The following CNOT6 variants were observed in gnomAD, a reference collection of about 807,000 sequenced individuals.
CNOT6 encodes the protein CCR4-NOT transcription complex subunit 6, also known as carbon catabolite repression 4 protein.
A neutral mutation model predicts 61.2 loss-of-function variants in CNOT6; 12 were observed. The ratio of observed to expected loss-of-function variants is 0.20; its 90% CI spans 0.13 to 0.32. CNOT6 has a LOEUF of 0.32. CNOT6 is among the 10% of genes least tolerant of loss of function. The pLI is 1.00. For missense variants in CNOT6, 405 were observed against 663.9 expected (o/e 0.61, Z 4.28); for synonymous variants, 225 against 240.6 (o/e 0.94, Z 0.60).
At chr5:180,505,346 C>G (rs1335653542) in intron 1 of CNOT6, among the ~76,000 whole-genome samples, 1 of 136,002 alleles carries the variant, frequency 7.4e-6, no homozygotes, top group African/African-American at 2.8e-5. Context: ...AGCTCCACCT[C>G]CCAGGTTCAC....
intron 1 of CNOT6, among the ~76,000 whole-genome samples, chr5:180,524,704 T>A (rs1169664297): frequency 6.6e-6 from 1 of 152,216 alleles, no homozygotes; most frequent in Non-Finnish European, 1.5e-5. Context: ...ATGATCAAAC[T>A]GAACATTGAT....
intron 1 of CNOT6, chr5:180,495,505 G>A (rs1398901835): frequency 1.3e-5 from 2 of 152,184 alleles, no homozygotes; most frequent in Non-Finnish European, 2.9e-5. Context: ...CAACACCTGT[G>A]GCCTTCTGTT....
At chr5:180,570,114 T>C (rs67209153) in intron 10 of CNOT6, among the ~76,000 whole-genome samples, 25,503 of 152,124 alleles carry the variant, frequency 0.17, 2,242 homozygotes, top group Non-Finnish European at 0.19. Flanking sequence ...TCCCAGCACT[T>C]TGGGGGGCCC....
chr5:180,498,273 A>G (rs1026090695), intron 1 of CNOT6, among the ~76,000 whole-genome samples: 1 of 152,134 alleles, frequency 6.6e-6, no homozygotes, highest in African/African-American at 2.4e-5. Flanking sequence ...CTTCAGTTAC[A>G]CGTTAAGGTA....
In CNOT6 at chr5:180,574,167, A is replaced by T; in HGVS notation, c.1641A>T (p.Gln547His). 1 of 1,613,676 alleles carries T rather than the reference A, an allele frequency of 6.2e-7. No individual in the cohort carries two copies. Among genetic ancestry groups the T allele is most frequent in the Non-Finnish European group, 8.5e-7 (1 of 1,180,014 alleles). Reference protein sequence around the residue: ...QLELLLPFLPQVNGIHLPGRR With the variant: ...QLELLLPFLPHVNGIHLPGRR ...AGCTCTTACTGCCTTTCCTGCCCCA[A>T]GTCAACGGCATCCACCTTCCTGGCA... The change falls in exon 12 of 12, where the codon CAA becomes CAT. Residue 547 changes from glutamine to histidine, a missense_variant. This residue lies in a region of CNOT6 where 52 missense variants were observed against 69.3 expected (regional missense o/e 0.75). Transcript: ENST00000261951.
rs17080394 is a variant in CNOT6 at position 180,564,789 on chromosome 5, A to G, written c.559+46A>G. 342 of 1,364,346 alleles carry G rather than the reference A, an allele frequency of 2.5e-4. No homozygotes were observed. The African/African-American group carries it at 4.3e-3, about 17-fold the overall frequency. The allele number at this position is 1,364,346 out of a possible 1,614,324, so 84.5% of individuals were successfully genotyped here. A position where few individuals can be genotyped will look rare whatever the true frequency, so the allele number is the denominator to read the frequency against. On this transcript the variant is annotated intron_variant, in intron 6 of 11. Coordinates refer to ENST00000261951, the MANE Select transcript of CNOT6 (RefSeq NM_001370472.1). ...TAACTGTTATTTTTGCTCAGTCTCTATAAGCCTAACAGTATTGTCAGCATG... is the reference window on the plus strand; with the variant it reads ...TAACTGTTATTTTTGCTCAGTCTCTGTAAGCCTAACAGTATTGTCAGCATG...
chr5:180,507,009 C>G (rs1581470682), intron 1 of CNOT6, among the ~76,000 whole-genome samples: 1 of 152,116 alleles, frequency 6.6e-6, no homozygotes, highest in African/African-American at 2.4e-5. Context: ...TAGCTCAGAG[C>G]TGGAAACAGT....
rs761815419 is a variant in CNOT6, at chr5:180,553,457, C to A, written c.371C>A (p.Thr124Asn). ...CTGGGAAAACTGTTTCAGTTGCAGA[C>A]TTTAGGCCTGAAAGGTATGACTTCC... is the stretch of plus-strand genomic sequence containing the variant. ...FELGKLFQLQTLGLKGNPLTQ... is the reference protein window; with the variant it reads ...FELGKLFQLQNLGLKGNPLTQ... The change falls in exon 4 of 12, where the codon ACT (threonine) becomes AAT (asparagine). Residue 124 changes from threonine to asparagine, a missense_variant. Around this residue, in one of 5 missense-constraint regions of CNOT6, gnomAD observed 212 missense variants for 307.1 expected, o/e 0.69. Coordinates refer to ENST00000261951, the MANE Select transcript of CNOT6 (RefSeq NM_001370472.1). 1 of 1,613,054 alleles carries A rather than the reference C, an allele frequency of 6.2e-7. No homozygotes were observed. The highest frequency in any genetic ancestry group is 8.5e-7 in the Non-Finnish European group (1 of 1,179,140).
intron 8 of CNOT6, among the ~76,000 whole-genome samples, 198 bp downstream of exon 8, chr5:180,567,440 C>G (rs189032262): frequency 6.6e-6 from 1 of 152,244 alleles, no homozygotes; most frequent in Admixed American, 6.5e-5. Context: ...GCTTAAAGTA[C>G]TGCTGTTTCT....
intron 9 of CNOT6, among the ~76,000 whole-genome samples, chr5:180,568,667 A>G (rs1760591555): frequency 6.6e-6 from 1 of 152,200 alleles, no homozygotes; most frequent in Admixed American, 6.5e-5. Flanking sequence ...AGTGACCATT[A>G]TGCTGGGAGC....
rs1345267005 is a variant in CNOT6, at chr5:180,577,232, T to G, written c.*3032T>G. The G allele has an allele frequency of 6.6e-6, 1 of 151,180 alleles. No individual in the cohort carries two copies. Among genetic ancestry groups the G allele is most frequent in the Non-Finnish European group, 1.5e-5 (1 of 67,776 alleles). 9.4% of individuals were successfully genotyped at this position (151,180 alleles called of 1,614,324 possible). A position where few individuals can be genotyped will look rare whatever the true frequency, so the allele number is the denominator to read the frequency against. On this transcript the variant is annotated 3_prime_UTR_variant, in exon 12 of 12. Transcript: ENST00000261951. ...TTAGTGACAACCAGGAAAACTTACT[T>G]GGGATTATTAGCACTTTCAAACTTA...
intron 2 of CNOT6, among the ~76,000 whole-genome samples, chr5:180,547,878 C>T (rs995857856): frequency 2.0e-5 from 3 of 152,130 alleles, no homozygotes; most frequent in Non-Finnish European, 2.9e-5. Flanking sequence ...GGATTACAGG[C>T]GCCCACCAGC....
intron 1 of CNOT6, among the ~76,000 whole-genome samples, chr5:180,499,509 A>C (rs1373954876): frequency 6.6e-6 from 1 of 152,248 alleles, no homozygotes; most frequent in Non-Finnish European, 1.5e-5. Context: ...AGGTCTAAGA[A>C]GTTCTCATAC....
rs56266069 is a variant in CNOT6 at position 180,533,312 on chromosome 5, C to CTATATATATATATATATA, written c.112+3938_112+3955dup. Reference sequence around the variant, plus strand: ...GGAACCAGGAACCATGGATGAAAACCTATATATATATATATATATATATAT... The same window carrying CTATATATATATATATATA: ...GGAACCAGGAACCATGGATGAAAACCTATATATATATATATATATATATATATATATATATATATATAT... On this transcript the variant is annotated intron_variant, in intron 2 of 11. Transcript: ENST00000261951. Among the ~76,000 whole-genome samples the CTATATATATATATATATA allele has an allele frequency of 3.1e-3, 396 of 127,356 alleles. 7 individuals are homozygous for CTATATATATATATATATA. The highest frequency in any genetic ancestry group is 4.4e-3 in the African/African-American group (142 of 32,038). The allele number at this position is 127,356 out of a possible 152,430, so 83.6% of individuals were successfully genotyped here.
At chr5:180,529,907 A>T (rs1016314621) in intron 2 of CNOT6, among the ~76,000 whole-genome samples, 24 of 152,214 alleles carry the variant, frequency 1.6e-4, no homozygotes, top group Admixed American at 1.4e-3. Context: ...TTTGAAGAAG[A>T]TCTCAAATTT....
At chr5:180,519,766 CT>C (rs58209260) in intron 1 of CNOT6, among the ~76,000 whole-genome samples, 37,294 of 138,680 alleles carry the variant, frequency 0.27, 5,166 homozygotes, top group East Asian at 0.52. Flanking sequence ...TTAATCGATT[CT>C]TTTTTTTTTT....
At chr5:180,544,645 C>T (rs1460242116) in intron 2 of CNOT6, among the ~76,000 whole-genome samples, 1 of 152,184 alleles carries the variant, frequency 6.6e-6, no homozygotes, top group Non-Finnish European at 1.5e-5. Flanking sequence ...GAATTATGAT[C>T]ACCCTGTATG....
At chr5:180,526,173 A>G (rs1157900823) in intron 1 of CNOT6, among the ~76,000 whole-genome samples, 1 of 152,200 alleles carries the variant, frequency 6.6e-6, no homozygotes, top group East Asian at 1.9e-4. Context: ...AACTGGGAGG[A>G]GAAGGCAGAG....
chr5:180,557,170 A>T (rs1759940467), intron 4 of CNOT6, among the ~76,000 whole-genome samples: 1 of 152,184 alleles, frequency 6.6e-6, no homozygotes, highest in Admixed American at 6.6e-5. Flanking sequence ...GGTGGCTTCT[A>T]ATTTGGGGCT....
Sources: gnomAD v4.1 joint callset for allele counts (sites outside exome capture counted in the v4.1 genomes callset) on GRCh38, gnomAD v4.1.1 for gene constraint, gnomAD v4.1.1 regional missense constraint, MANE v1.5 for transcripts, NCBI Gene and HGNC (gene_info 2026-07-23, HGNC 2026-07-21) for gene names.